Variants in ANO6 observed in about 807,000 individuals in gnomAD.
ANO6 encodes the protein anoctamin-6.
In ANO6, 106 loss-of-function variants were observed where a neutral mutation model predicts 117.5. That is an observed-to-expected ratio of 0.90 (90% CI 0.77 to 1.06). The LOEUF (loss-of-function observed/expected upper bound fraction) is 1.06, where lower values mean the gene tolerates loss of function less well. Among genes scored for constraint, ANO6 ranks in the 50% least tolerant of loss-of-function variants. The probability of loss-of-function intolerance (pLI) is 0.00; values close to 1 mark genes in which losing one functional copy is unlikely to be tolerated. For missense variants in ANO6, 955 were observed against 1,121.1 expected (o/e 0.85, Z 2.12); for synonymous variants, 367 against 385.1 (o/e 0.95, Z 0.55).
intron 1 of ANO6, among the ~76,000 whole-genome samples, chr12:45,257,457 T>G (rs915793377): frequency 6.6e-6 from 1 of 152,220 alleles, no homozygotes; most frequent in African/African-American, 2.4e-5. Context: ...ACAGTTGAAC[T>G]TGTTATTTCC....
Position 45,341,888 on chromosome 12 carries a change from A to G in ANO6, c.280-5134A>G, listed in dbSNP as rs139021712. Among the ~76,000 whole-genome samples the G allele has an allele frequency of 2.6e-5, 4 of 152,290 alleles. No homozygotes were observed. The East Asian group carries it at 7.7e-4, about 29-fold the overall frequency. ...GGAATAAGGGAAGTCGAGCATGTTAAAAGGCAGAGAGAAGGTAATGGTGAT... is the reference window on the plus strand; with the variant it reads ...GGAATAAGGGAAGTCGAGCATGTTAGAAGGCAGAGAGAAGGTAATGGTGAT... On this transcript the variant is annotated intron_variant, in intron 3 of 19. Coordinates refer to ENST00000320560, the MANE Select transcript of ANO6 (RefSeq NM_001025356.3).
intron 1 of ANO6, among the ~76,000 whole-genome samples, chr12:45,293,719 C>A (rs1320502499): frequency 7.1e-6 from 1 of 140,486 alleles, no homozygotes; most frequent in Non-Finnish European, 1.5e-5. Flanking sequence ...TGCCACCATG[C>A]CTGGCTAATG....
At chr12:45,362,663 G>A (rs1466633337) in intron 8 of ANO6, among the ~76,000 whole-genome samples, 3 of 151,862 alleles carry the variant, frequency 2.0e-5, no homozygotes, top group East Asian at 1.9e-4. Context: ...TTTCTAGTAT[G>A]CCATTTTAAT....
intron 1 of ANO6, among the ~76,000 whole-genome samples, chr12:45,239,456 G>A (rs537086628): frequency 1.4e-4 from 21 of 151,122 alleles, no homozygotes; most frequent in African/African-American, 3.9e-4. Flanking sequence ...TCTTGCTAGC[G>A]GTCTATCAAT....
At chr12:45,439,650 T>C (rs1943747845) in intron 19 of ANO6, 2 of 827,032 alleles carry the variant, frequency 2.4e-6, no homozygotes. Context: ...TTAATTGCTT[T>C]TTTTTTTTTT....
intron 1 of ANO6, among the ~76,000 whole-genome samples, chr12:45,271,139 A>G (rs1938382147): frequency 1.3e-5 from 2 of 152,226 alleles, no homozygotes; most frequent in African/African-American, 2.4e-5. Flanking sequence ...ATGTTTGGCA[A>G]GGATATTTTG....
chr12:45,423,390 T>C (rs1472151809), intron 19 of ANO6, among the ~76,000 whole-genome samples: 1 of 152,220 alleles, frequency 6.6e-6, no homozygotes, highest in African/African-American at 2.4e-5. Flanking sequence ...TCTCTGCCTG[T>C]GAGAAACTTT....
intron 15 of ANO6, among the ~76,000 whole-genome samples, chr12:45,405,641 G>A (rs1259291512): frequency 6.6e-6 from 1 of 152,182 alleles, no homozygotes; most frequent in Non-Finnish European, 1.5e-5. Context: ...CAGGTGCTGT[G>A]GTTCACACTG....
At position 45,303,362 on chromosome 12, in the gene ANO6, G is replaced by A. The variant is rs570827691; in HGVS notation, c.150+1269G>A. 1.2e-4 allele frequency among the ~76,000 whole-genome samples: 19 copies of A among 152,290 alleles called. No individual in the cohort carries two copies. In the South Asian group the frequency reaches 3.5e-3, roughly 28 times the overall value. On this transcript the variant is annotated intron_variant, in intron 2 of 19. Coordinates refer to ENST00000320560, the MANE Select transcript of ANO6 (RefSeq NM_001025356.3). ...GCAGTTAGAGACCAAAAGCAGAATT[G>A]ACACAGATATTTCACATTTGAGTAT...
chr12:45,243,931 A>G lies in ANO6; in HGVS notation c.70+27540A>G, dbSNP rs1440096091. On this transcript the variant is annotated intron_variant, in intron 1 of 19. Transcript: ENST00000320560. Reference sequence around the variant, plus strand: ...ATAGATTGCCTTCTCATTTATAGCAACTTGCCTGATACTATGCAGTTTGAG... The same window carrying G: ...ATAGATTGCCTTCTCATTTATAGCAGCTTGCCTGATACTATGCAGTTTGAG... Among the ~76,000 whole-genome samples, 4 of 152,314 alleles carry G rather than the reference A, an allele frequency of 2.6e-5. 1 individual carries two copies. Among genetic ancestry groups the G allele is most frequent in the East Asian group, 1.9e-4 (1 of 5,186 alleles).
intron 12 of ANO6, among the ~76,000 whole-genome samples, chr12:45,393,640 A>C (rs555708512): frequency 3.1e-4 from 47 of 152,302 alleles, no homozygotes; most frequent in African/African-American, 1.0e-3. Context: ...GACTAACAGC[A>C]CATCTCTTGG....
intron 1 of ANO6, among the ~76,000 whole-genome samples, chr12:45,249,181 C>A (rs959103937): frequency 1.3e-5 from 2 of 152,176 alleles, no homozygotes; most frequent in African/African-American, 4.8e-5. Context: ...CATATAAATA[C>A]AGCAACTTAG....
intron 2 of ANO6, among the ~76,000 whole-genome samples, chr12:45,307,513 G>C (rs2137321913): frequency 6.6e-6 from 1 of 152,236 alleles, no homozygotes; most frequent in East Asian, 1.9e-4. Context: ...TCAAAATTCT[G>C]TTTTGGATAT....
At chr12:45,405,062 C>G (rs1942896582) in intron 15 of ANO6, among the ~76,000 whole-genome samples, 1 of 152,118 alleles carries the variant, frequency 6.6e-6, no homozygotes. Flanking sequence ...CTTCCCCCAC[C>G]CAGAAAGGGA....
At chr12:45,308,611 C>G (rs1470036895) in intron 2 of ANO6, among the ~76,000 whole-genome samples, 1 of 152,028 alleles carries the variant, frequency 6.6e-6, no homozygotes, top group African/African-American at 2.4e-5. Flanking sequence ...TGTGTTTTTC[C>G]CATTCAAATC....
chr12:45,403,309 AG>A, intron 14 of ANO6, 68 bp downstream of exon 14: 1 of 1,562,790 alleles, frequency 6.4e-7, no homozygotes, highest in Non-Finnish European at 8.8e-7. Context: ...CCAAATGAAT[AG>A]TTTTTTATTG....
intron 1 of ANO6, among the ~76,000 whole-genome samples, chr12:45,264,224 G>T (rs545249831): frequency 3.3e-5 from 5 of 152,268 alleles, no homozygotes; most frequent in East Asian, 3.9e-4. Context: ...CTTGATTCCT[G>T]ATTTTGTGCT....
Position 45,378,076 on chromosome 12 carries a change from TG to T in ANO6, c.1130del (p.Gly377GlufsTer53). ...SKKLCIFDSF[G>X]TLVFAVFMGV... ...AGAAATTGTGCATCTTCGACAGTTT[TG>T]GAACCCTGGTCTTTGCAGTATTTAT... On this transcript the variant is annotated frameshift_variant, in exon 10 of 20. Coordinates refer to ENST00000320560, the MANE Select transcript of ANO6 (RefSeq NM_001025356.3). LOFTEE classifies it high-confidence loss of function. 1 of 1,613,704 alleles carries T rather than the reference TG, an allele frequency of 6.2e-7. No homozygotes were observed. Among genetic ancestry groups the T allele is most frequent in the Non-Finnish European group, 8.5e-7 (1 of 1,179,844 alleles).
chr12:45,351,018 G>C (rs2137456466), intron 7 of ANO6, among the ~76,000 whole-genome samples: 1 of 152,326 alleles, frequency 6.6e-6, no homozygotes, highest in South Asian at 2.1e-4. Flanking sequence ...CAAAGCTCCA[G>C]TTCTCCAATC....
Sources: allele counts gnomAD v4.1 joint callset (sites outside exome capture counted in the v4.1 genomes callset), GRCh38; gene constraint gnomAD v4.1.1; transcripts MANE v1.5; gene names NCBI Gene and HGNC (gene_info 2026-07-23, HGNC 2026-07-21).